ARHGEF19: variants seen among roughly 807,000 people sequenced by gnomAD.
The protein encoded by ARHGEF19 is Rho guanine nucleotide exchange factor 19.
A neutral mutation model predicts 87.6 loss-of-function variants in ARHGEF19; 92 were observed. That is an observed-to-expected ratio of 1.05 (90% CI 0.89 to 1.25). ARHGEF19 has a LOEUF of 1.25. ARHGEF19 is among the 50% of genes most tolerant of loss of function. ARHGEF19 has a pLI of 0.00. For missense variants in ARHGEF19, 1,054 were observed against 1,051.8 expected, an observed-to-expected ratio of 1.00 and a Z score of -0.03; for synonymous variants, 438 against 446.2, an observed-to-expected ratio of 0.98 and a Z score of 0.23.
intron 14 of ARHGEF19, among the ~76,000 whole-genome samples, chr1:16,200,527 G>A (rs2081076185): frequency 6.6e-6 from 1 of 152,190 alleles, no homozygotes; most frequent in African/African-American, 2.4e-5. Context: ...TGAATCACTT[G>A]AGGCCAGGAG....
intron 13 of ARHGEF19, 23 bp downstream of exon 13, chr1:16,202,393 C>G: frequency 6.3e-7 from 1 of 1,587,846 alleles, no homozygotes; most frequent in Non-Finnish European, 8.6e-7. Flanking sequence ...AGCCTCCTCT[C>G]TCCCATATCC....
Position 16,207,452 on chromosome 1 carries a change from T to A in ARHGEF19, c.874+70A>T. ...CCCTACCTCTCAACTCTCCAAACCC[T>A]CTTTTCCCCGTTTCCACACCGCAGC... On this transcript the variant is annotated intron_variant, in intron 5 of 15. Coordinates refer to ENST00000270747, the MANE Select transcript of ARHGEF19 (RefSeq NM_153213.5). This position sits in a 1 kb window ranked among gnomAD's most constrained non-coding sequence, Gnocchi z 4.0. 1 of 1,583,956 alleles carries A rather than the reference T, an allele frequency of 6.3e-7. No homozygotes were observed. The highest frequency in any genetic ancestry group is 2.2e-5 in the East Asian group (1 of 44,482).
chr1:16,207,034 T>C lies in ARHGEF19; in HGVS notation c.1051A>G (p.Thr351Ala). Reference sequence around the variant, plus strand: ...GGGATATCCTGCCACAGCGAGAAGGTGGAGCCTCGCGCCGAGCGCTGCGCC... The same window carrying C: ...GGGATATCCTGCCACAGCGAGAAGGCGGAGCCTCGCGCCGAGCGCTGCGCC... ...FRAQRSARGS[T>A]FSLWQDIPDV... The change falls in exon 6 of 16, where the codon ACC becomes GCC. Residue 351 changes from threonine to alanine, a missense_variant. Transcript: ENST00000270747. This position sits in a 1 kb window ranked among gnomAD's most constrained non-coding sequence, Gnocchi z 4.0. 1 of 1,513,736 alleles carries C rather than the reference T, an allele frequency of 6.6e-7. No individual in the cohort carries two copies. Among genetic ancestry groups the C allele is most frequent in the Middle Eastern group, 1.7e-4 (1 of 5,824 alleles). The allele number at this position is 1,513,736 out of a possible 1,614,324, so 93.8% of individuals were successfully genotyped here.
rs772249289 is a variant in ARHGEF19, at chr1:16,207,043, G to C, written c.1042C>G (p.Arg348Gly). ...SSSFRAQRSA[R>G]GSTFSLWQDI... ...TGCCACAGCGAGAAGGTGGAGCCTC[G>C]CGCCGAGCGCTGCGCCCGGAAGGAG... Residue 348 changes from arginine to glycine, a missense_variant, in exon 6 of 16, where the codon CGA becomes GGA. Coordinates refer to ENST00000270747, the MANE Select transcript of ARHGEF19 (RefSeq NM_153213.5). This position sits in a 1 kb window ranked among gnomAD's most constrained non-coding sequence, Gnocchi z 4.0. 27 of 1,509,036 alleles carry C rather than the reference G, an allele frequency of 1.8e-5. 1 individual carries two copies. The South Asian group carries it at 3.2e-4, about 18-fold the overall frequency. 93.5% of individuals were successfully genotyped at this position (1,509,036 alleles called of 1,614,324 possible). A position where few individuals can be genotyped will look rare whatever the true frequency, so the allele number is the denominator to read the frequency against.
chr1:16,206,342 T>G lies in ARHGEF19; in HGVS notation c.1138-2A>C. 6.3e-7 allele frequency: 1 copy of G among 1,575,720 alleles called. No homozygotes were observed. The highest frequency in any genetic ancestry group is 8.6e-7 in the Non-Finnish European group (1 of 1,160,914). ...GGAGGTGATCAGCTCAAACTTGGCC[T>G]GAGGGAGGGCACACACGGGGTCGAA... On this transcript the variant is annotated splice_acceptor_variant, in intron 6 of 15. Coordinates refer to ENST00000270747, the MANE Select transcript of ARHGEF19 (RefSeq NM_153213.5). LOFTEE classifies it high-confidence loss of function. This position sits in a 1 kb window ranked among gnomAD's most constrained non-coding sequence, Gnocchi z 4.6.
rs958758039 is a variant in ARHGEF19, at chr1:16,199,024, A to G, written c.2251+126T>C. ...AGCAGGAAGTTCCTCCTCTCATCTA[A>G]CCTGATTCCCACATGCTGTGGCAGA... On this transcript the variant is annotated intron_variant, in intron 15 of 15. Transcript: ENST00000270747. 11 of 977,078 alleles carry G rather than the reference A, an allele frequency of 1.1e-5. No individual in the cohort carries two copies. In the Admixed American group the frequency reaches 1.3e-4, roughly 11 times the overall value. The allele number at this position is 977,078 out of a possible 1,614,324, so 60.5% of individuals were successfully genotyped here.
Position 16,205,735 on chromosome 1 carries a change from T to C in ARHGEF19, c.1452-68A>G. The C allele has an allele frequency of 2.6e-6, 4 of 1,533,638 alleles. No homozygotes were observed. Among genetic ancestry groups the C allele is most frequent in the Non-Finnish European group, 2.6e-6 (3 of 1,140,156 alleles). On this transcript the variant is annotated intron_variant, in intron 8 of 15. Coordinates refer to ENST00000270747, the MANE Select transcript of ARHGEF19 (RefSeq NM_153213.5). The surrounding 1 kb of genome is among the most constrained non-coding windows in gnomAD (Gnocchi z 5.8). ...TTCCTGGGATCCACAACCCTGGCCATCCACGGGGTCCTCAGGGGGCTTCTC... is the reference window on the plus strand; with the variant it reads ...TTCCTGGGATCCACAACCCTGGCCACCCACGGGGTCCTCAGGGGGCTTCTC...
intron 12 of ARHGEF19, among the ~76,000 whole-genome samples, chr1:16,204,248 C>G (rs938036878): frequency 6.6e-6 from 1 of 151,808 alleles, no homozygotes; most frequent in South Asian, 2.1e-4. Flanking sequence ...TAATACTGAA[C>G]AAGTGTTCAC....
intron 12 of ARHGEF19, among the ~76,000 whole-genome samples, chr1:16,203,951 G>T (rs2081103089): frequency 6.6e-6 from 1 of 152,230 alleles, no homozygotes; most frequent in Non-Finnish European, 1.5e-5. Context: ...GCACTGGCCT[G>T]CTACAGAACA....
In ARHGEF19 at chr1:16,206,155, G is replaced by C. The variant is rs765440908; in HGVS notation, c.1298+25C>G. On this transcript the variant is annotated intron_variant, in intron 7 of 15. Coordinates refer to ENST00000270747, the MANE Select transcript of ARHGEF19 (RefSeq NM_153213.5). The surrounding 1 kb of genome is among the most constrained non-coding windows in gnomAD (Gnocchi z 4.6). The stretch of plus-strand genomic sequence containing the variant: ...CAACCACTGGCTCCGTCCCCACCCC[G>C]GGCCAGGCCAGACCACTTCTTCACC... 1 of 1,587,802 alleles carries C rather than the reference G, an allele frequency of 6.3e-7. No homozygotes were observed. Among genetic ancestry groups the C allele is most frequent in the African/African-American group, 1.3e-5 (1 of 74,688 alleles).
chr1:16,201,037 T>C (rs2081080112), intron 14 of ARHGEF19, among the ~76,000 whole-genome samples: 1 of 152,082 alleles, frequency 6.6e-6, no homozygotes, highest in African/African-American at 2.4e-5. Context: ...AACATAGCAA[T>C]ACCCTATCTC....
chr1:16,206,678 G>T lies in ARHGEF19; in HGVS notation c.1137+270C>A. 2 of 536,810 alleles carry T rather than the reference G, an allele frequency of 3.7e-6. No homozygotes were observed. Among genetic ancestry groups the T allele is most frequent in the Non-Finnish European group, 6.5e-6 (2 of 308,050 alleles). The allele number at this position is 536,810 out of a possible 1,614,324, so 33.3% of individuals were successfully genotyped here. Reference sequence around the variant, plus strand: ...TTCCAATGGTTCCGCTCCTCATCCGGCCCTGTCCTATCCTAGGTTTCGTCC... The same window carrying T: ...TTCCAATGGTTCCGCTCCTCATCCGTCCCTGTCCTATCCTAGGTTTCGTCC... On this transcript the variant is annotated intron_variant, in intron 6 of 15. Transcript: ENST00000270747. The surrounding 1 kb of genome is among the most constrained non-coding windows in gnomAD (Gnocchi z 4.6).
intron 1 of ARHGEF19, 113 bp from the exon 2 acceptor site, chr1:16,209,196 A>C: frequency 1.5e-6 from 1 of 650,684 alleles, no homozygotes; most frequent in Non-Finnish European, 2.3e-6. Context: ...ACACATCTCC[A>C]CAAACACACT....
At position 16,207,881 on chromosome 1, in the gene ARHGEF19, T is replaced by TCG; in HGVS notation, c.694+61_694+62dup. ...GCCTCAGGCGGCCGGTGAGTGGGCA[T>TCG]CGCCCACCCCCACCCCCACCCGGCA... On this transcript the variant is annotated intron_variant, in intron 3 of 15. Coordinates refer to ENST00000270747, the MANE Select transcript of ARHGEF19 (RefSeq NM_153213.5). The surrounding 1 kb of genome is among the most constrained non-coding windows in gnomAD (Gnocchi z 4.0). 4 of 1,539,274 alleles carry TCG rather than the reference T, an allele frequency of 2.6e-6. No homozygotes were observed. The highest frequency in any genetic ancestry group is 3.6e-6 in the Non-Finnish European group (4 of 1,124,992).
rs748996867 is a variant in ARHGEF19 at position 16,207,555 on chromosome 1, T to C, written c.841A>G (p.Asn281Asp). The change falls in exon 5 of 16, where the codon AAC (asparagine) becomes GAC (aspartate). Residue 281 changes from asparagine (N) to aspartate (D), a missense_variant. Transcript: ENST00000270747. The surrounding 1 kb of genome is among the most constrained non-coding windows in gnomAD (Gnocchi z 4.0). ...EEPPLGSRST[N>D]ERRQSRFLLN... The stretch of plus-strand genomic sequence containing the variant: ...AGGAATCGAGACTGGCGCCGCTCGT[T>C]GGTGCTCCTGGACCCCAAAGGCGGC... 1.4e-5 allele frequency: 23 copies of C among 1,613,938 alleles called. No homozygotes were observed. The East Asian group carries it at 4.9e-4, about 34-fold the overall frequency.
At position 16,207,697 on chromosome 1, in the gene ARHGEF19, C is replaced by G; in HGVS notation, c.775G>C (p.Glu259Gln). The change falls in exon 4 of 16, where the codon GAG becomes CAG. Residue 259 changes from glutamate (E) to glutamine (Q), a missense_variant. Physicochemically the swap from Glu to Gln is conservative, Grantham distance 29. Coordinates refer to ENST00000270747, the MANE Select transcript of ARHGEF19 (RefSeq NM_153213.5). The surrounding 1 kb of genome is among the most constrained non-coding windows in gnomAD (Gnocchi z 4.0). ...TACCTGGGCTCGGACCAATCGCCCT[C>G]TCGTGAGTCACCAGGGGCTGGCCGC... ...VSRPAPGDSR[E>Q]GDWSEPRLDT... The G allele has an allele frequency of 6.2e-7, 1 of 1,614,080 alleles. No individual in the cohort carries two copies.
Position 16,207,334 on chromosome 1 carries a change from GAATT to G in ARHGEF19, c.875-128_875-125del. ...CGCGGTTCGGATATCTGGACACAGT[GAATT>G]CATTCATTCATTCATTCATTCCATA... On this transcript the variant is annotated intron_variant, in intron 5 of 15. Transcript: ENST00000270747. The surrounding 1 kb of genome is among the most constrained non-coding windows in gnomAD (Gnocchi z 4.0). 7.7e-7 allele frequency: 1 copy of G among 1,302,816 alleles called. No individual in the cohort carries two copies. The highest frequency in any genetic ancestry group is 9.9e-7 in the Non-Finnish European group (1 of 1,005,136). 80.7% of individuals were successfully genotyped at this position (1,302,816 alleles called of 1,614,324 possible). A position where few individuals can be genotyped will look rare whatever the true frequency, so the allele number is the denominator to read the frequency against.
chr1:16,211,252 G>A (rs1290358456), intron 1 of ARHGEF19, among the ~76,000 whole-genome samples: 2 of 151,660 alleles, frequency 1.3e-5, no homozygotes, highest in Non-Finnish European at 2.9e-5. Flanking sequence ...TCGCAGGAGT[G>A]TGCACAAGGA....
At position 16,207,883 on chromosome 1, in the gene ARHGEF19, G is replaced by GGCCCCC; in HGVS notation, c.694+60_694+61insGGGGGC. 52 of 1,476,400 alleles carry GGCCCCC rather than the reference G, an allele frequency of 3.5e-5. No homozygotes were observed. Among genetic ancestry groups the GGCCCCC allele is most frequent in the South Asian group, 4.6e-5 (4 of 86,498 alleles). The allele number at this position is 1,476,400 out of a possible 1,614,324, so 91.5% of individuals were successfully genotyped here. A position where few individuals can be genotyped will look rare whatever the true frequency, so the allele number is the denominator to read the frequency against. On this transcript the variant is annotated intron_variant, in intron 3 of 15. Coordinates refer to ENST00000270747, the MANE Select transcript of ARHGEF19 (RefSeq NM_153213.5). This position sits in a 1 kb window ranked among gnomAD's most constrained non-coding sequence, Gnocchi z 4.0. Reference sequence around the variant, plus strand: ...CTCAGGCGGCCGGTGAGTGGGCATCGCCCACCCCCACCCCCACCCGGCATC... The same window carrying GGCCCCC: ...CTCAGGCGGCCGGTGAGTGGGCATCGGCCCCCCCCACCCCCACCCCCACCCGGCATC...
Sources: gnomAD v4.1 joint callset for allele counts (sites outside exome capture counted in the v4.1 genomes callset) on GRCh38, gnomAD v4.1.1 for gene constraint, Gnocchi (gnomAD v3.1) non-coding constraint, MANE v1.5 for transcripts, NCBI Gene and HGNC (gene_info 2026-07-23, HGNC 2026-07-21) for gene names.